The following TM9SF4 variants were observed in gnomAD, a reference collection of about 807,000 sequenced individuals.
The protein encoded by TM9SF4 is dinucleotide oxidase disulfide thiol exchanger 3 superfamily member 4.
A neutral mutation model predicts 90.4 loss-of-function variants in TM9SF4; 26 were observed. That is an observed-to-expected ratio of 0.29 (90% CI 0.21 to 0.40). The LOEUF is 0.40. Ranked by LOEUF, TM9SF4 falls within the 10% of genes least tolerant of loss-of-function variation. The pLI, the probability that TM9SF4 is intolerant of heterozygous loss-of-function variation, is 1.00. For missense variants in TM9SF4, 549 were observed against 834.8 expected, an observed-to-expected ratio of 0.66 and a Z score of 4.22; for synonymous variants, 293 against 315.4, an observed-to-expected ratio of 0.93 and a Z score of 0.75.
rs148713328 is a variant in TM9SF4 at position 32,145,398 on chromosome 20, C to T, written c.858C>T (p.Ser286=). The T allele has an allele frequency of 2.0e-4, 330 of 1,614,124 alleles. No homozygotes were observed. Among genetic ancestry groups the T allele is most frequent in the Non-Finnish European group, 2.5e-4 (297 of 1,180,024 alleles). Reference sequence around the variant, plus strand: ...TCCACTGGTTTTCTATCATTAACTCCGTTGTTGTGGTCTTCTTCCTGTCAG... The same window carrying T: ...TCCACTGGTTTTCTATCATTAACTCTGTTGTTGTGGTCTTCTTCCTGTCAG... ...VQIHWFSIIN[S]VVVVFFLSGI... is the part of the protein sequence containing the mutation. The change falls in exon 8 of 18, where the codon TCC becomes TCT. Residue 286 remains serine (S), a synonymous_variant. Coordinates refer to ENST00000398022, the MANE Select transcript of TM9SF4 (RefSeq NM_014742.4).
intron 3 of TM9SF4, among the ~76,000 whole-genome samples, chr20:32,138,887 C>T (rs1333984097): frequency 6.6e-6 from 1 of 152,172 alleles, no homozygotes. Flanking sequence ...TTAGCATTAC[C>T]ACCACCCCCT....
intron 1 of TM9SF4, chr20:32,110,006 C>A (rs759434605): frequency 2.4e-4 from 344 of 1,406,314 alleles, no homozygotes; most frequent in Non-Finnish European, 3.0e-4. Flanking sequence ...GCTGCCTTCG[C>A]CGGTTCCCAT....
intron 3 of TM9SF4, among the ~76,000 whole-genome samples, chr20:32,140,999 T>C (rs903300400): frequency 5.3e-5 from 8 of 151,786 alleles, no homozygotes; most frequent in East Asian, 1.9e-4. Context: ...GGGCAGATCA[T>C]GAGGTCAGGA....
At chr20:32,145,455 TG>T (rs1346292333) in intron 8 of TM9SF4, 32 bp downstream of exon 8, 2 of 1,568,156 alleles carry the variant, frequency 1.3e-6, no homozygotes, top group East Asian at 2.2e-5. Flanking sequence ...GGAAAGGGGA[TG>T]GGGGTTGGGG....
chr20:32,119,012 G>A (rs1422655893), intron 1 of TM9SF4, among the ~76,000 whole-genome samples: 1 of 152,144 alleles, frequency 6.6e-6, no homozygotes, highest in African/African-American at 2.4e-5. Flanking sequence ...ATTATGTTGT[G>A]TGCCTACCAT....
intron 14 of TM9SF4, 70 bp downstream of exon 14, chr20:32,158,039 G>A (rs1237540366): frequency 6.3e-7 from 1 of 1,582,818 alleles, no homozygotes; most frequent in South Asian, 1.1e-5. Flanking sequence ...CCACCAGAAG[G>A]GTGCGGCAAC....
At chr20:32,155,033 G>T in intron 12 of TM9SF4, 70 bp from the exon 13 acceptor site, 1 of 1,232,364 alleles carries the variant, frequency 8.1e-7, no homozygotes. Context: ...CTTCTGGTCT[G>T]GGGGCCCCAC....
intron 9 of TM9SF4, among the ~76,000 whole-genome samples, chr20:32,149,261 C>A (rs866588950): frequency 1.3e-5 from 2 of 152,014 alleles, no homozygotes; most frequent in Middle Eastern, 3.2e-3. Context: ...ATTATTTTTA[C>A]TTTTTTTATT....
At position 32,133,060 on chromosome 20, in the gene TM9SF4, A is replaced by T; in HGVS notation, c.63A>T (p.Thr21=). ...TGCTTTTCTCCCTGATGTGTGAAAC[A>T]AGCGCCTTCTATGTGCCTGGGGTCG... ...SLLLFSLMCE[T]SAFYVPGVAP... is the part of the protein sequence containing the mutation. Residue 21 remains threonine (T), a synonymous_variant, in exon 2 of 18, where the codon ACA becomes ACT. Transcript: ENST00000398022. 1 of 1,614,196 alleles carries T rather than the reference A, an allele frequency of 6.2e-7. No individual in the cohort carries two copies. Among genetic ancestry groups the T allele is most frequent in the Non-Finnish European group, 8.5e-7 (1 of 1,180,042 alleles).
At chr20:32,109,941 C>T (rs996531676) in intron 1 of TM9SF4, 186 bp downstream of exon 1, 7 of 1,423,104 alleles carry the variant, frequency 4.9e-6, no homozygotes, top group Non-Finnish European at 6.4e-6. Context: ...TGCACTCAGG[C>T]TTGTGAAGGC....
intron 8 of TM9SF4, among the ~76,000 whole-genome samples, chr20:32,146,505 C>G (rs559039000): frequency 6.6e-6 from 1 of 152,178 alleles, no homozygotes; most frequent in African/African-American, 2.4e-5. Flanking sequence ...GTCAGTAGGA[C>G]CAAGCGATGG....
rs1243268586 is a variant in TM9SF4 at position 32,115,806 on chromosome 20, G to GTTTTTTTTTTTTTTTTTTTTTTTT, written c.15+6051_15+6052insTTTTTTTTTTTTTTTTTTTTTTTT. ...GTAATAACAAAACCTACCACTTTAA[G>GTTTTTTTTTTTTTTTTTTTTTTTT]CTTTTTTTTTTTTTTTTTTTTTTTT... On this transcript the variant is annotated intron_variant, in intron 1 of 17. Transcript: ENST00000398022. Among the ~76,000 whole-genome samples, 7 of 106,306 alleles carry GTTTTTTTTTTTTTTTTTTTTTTTT rather than the reference G, an allele frequency of 6.6e-5. 3 individuals carry two copies. Among genetic ancestry groups the GTTTTTTTTTTTTTTTTTTTTTTTT allele is most frequent in the African/African-American group, 7.3e-5 (2 of 27,312 alleles). 69.7% of individuals were successfully genotyped at this position (106,306 alleles called of 152,430 possible).
chr20:32,144,988 G>C (rs1207031402), intron 6 of TM9SF4, 103 bp from the exon 7 acceptor site: 1 of 1,002,400 alleles, frequency 1.0e-6, no homozygotes, highest in East Asian at 2.4e-5. Flanking sequence ...CACCCTAGAG[G>C]CTGGGTCTCC....
chr20:32,148,365 C>G (rs1262123476), intron 9 of TM9SF4, among the ~76,000 whole-genome samples: 1 of 152,042 alleles, frequency 6.6e-6, no homozygotes, highest in African/African-American at 2.4e-5. Flanking sequence ...TCTTTCCATA[C>G]CACCCATGGA....
At chr20:32,136,020 G>A (rs1297590980) in intron 2 of TM9SF4, 54 bp from the exon 3 acceptor site, 11 of 1,507,974 alleles carry the variant, frequency 7.3e-6, no homozygotes, top group Non-Finnish European at 9.2e-6. Flanking sequence ...CTAAAGATGT[G>A]TGGGTACCAG....
intron 12 of TM9SF4, 151 bp from the exon 13 acceptor site, chr20:32,154,952 G>A: frequency 7.5e-6 from 5 of 667,426 alleles, no homozygotes; most frequent in East Asian, 2.6e-5. Context: ...TGCTCAGTCT[G>A]AGGGTCAGGG....
chr20:32,133,302 TG>T (rs2046547437), intron 2 of TM9SF4, among the ~76,000 whole-genome samples, 176 bp downstream of exon 2: 2 of 152,192 alleles, frequency 1.3e-5, no homozygotes, highest in African/African-American at 4.8e-5. Context: ...TCTCTGTTTC[TG>T]GTTCTTTCTG....
intron 10 of TM9SF4, 35 bp downstream of exon 10, chr20:32,149,801 TG>T (rs2046816126): frequency 1.2e-6 from 2 of 1,609,104 alleles, no homozygotes; most frequent in African/African-American, 2.7e-5. Flanking sequence ...CATGGGGGCA[TG>T]GCTTCCTCTT....
At chr20:32,158,779 G>A (rs901377430) in intron 15 of TM9SF4, among the ~76,000 whole-genome samples, 22 of 152,054 alleles carry the variant, frequency 1.4e-4, no homozygotes, top group Admixed American at 1.1e-3. Flanking sequence ...TCAGGAGTTC[G>A]AGACCAGCCT....
Sources: allele counts gnomAD v4.1 joint callset (sites outside exome capture counted in the v4.1 genomes callset), GRCh38; gene constraint gnomAD v4.1.1; transcripts MANE v1.5; gene names NCBI Gene and HGNC (gene_info 2026-07-23, HGNC 2026-07-21).